The following ZDHHC17 variants were observed in gnomAD, a reference collection of about 807,000 sequenced individuals.
ZDHHC17 encodes zDHHC palmitoyltransferase 17.
In ZDHHC17, 40 loss-of-function variants were observed where a neutral mutation model predicts 90.3. The ratio of observed to expected loss-of-function variants is 0.44; its 90% CI spans 0.34 to 0.58. ZDHHC17 has a LOEUF of 0.58. Ranked by LOEUF, ZDHHC17 falls within the 20% of genes least tolerant of loss-of-function variation. ZDHHC17 has a pLI of 0.01. For missense variants in ZDHHC17, 614 were observed against 780.8 expected, an observed-to-expected ratio of 0.79 and a Z score of 2.55; for synonymous variants, 235 against 252.4, an observed-to-expected ratio of 0.93 and a Z score of 0.65.
chr12:76,839,097 G>A (rs1495332), intron 10 of ZDHHC17, among the ~76,000 whole-genome samples: 92,849 of 152,022 alleles, frequency 0.61, 28,419 homozygotes, highest in East Asian at 0.67. Flanking sequence ...GAAGGCCACG[G>A]TCCTATTGGA....
rs766812634 is a variant in ZDHHC17, at chr12:76,805,334, G to A, written c.215G>A (p.Arg72His). 33 of 1,600,148 alleles carry A rather than the reference G, an allele frequency of 2.1e-5. No individual in the cohort carries two copies. The highest frequency in any genetic ancestry group is 2.4e-5 in the Non-Finnish European group (28 of 1,172,140). ...TTTTCTAGATATGGAATATATGAAC[G>A]CTGTCGAGAATTGGTGGAAGCAGGT... ...VKATQYGIYE[R>H]CRELVEAGYD... is the part of the protein sequence containing the mutation. Residue 72 changes from arginine (R) to histidine (H), a missense_variant, in exon 3 of 17, where the codon CGC becomes CAC. Arg to His is a conservative substitution (Grantham distance 29). This residue lies in a region of ZDHHC17 where 358 missense variants were observed against 380.4 expected (regional missense o/e 0.94). Coordinates refer to ENST00000426126, the MANE Select transcript of ZDHHC17 (RefSeq NM_015336.4).
At chr12:76,765,339 C>G (rs56068537) in intron 1 of ZDHHC17, among the ~76,000 whole-genome samples, 3,980 of 152,282 alleles carry the variant, frequency 0.026, 60 homozygotes, top group Middle Eastern at 0.065. Context: ...TGAATAATGA[C>G]AACCATCCTT....
intron 13 of ZDHHC17, 146 bp downstream of exon 13, chr12:76,845,948 T>G (rs1014484585): frequency 1.5e-5 from 7 of 459,396 alleles, no homozygotes; most frequent in African/African-American, 1.4e-4. Context: ...ACACAGCAAC[T>G]CAGTTGAGAG....
At chr12:76,781,451 A>T (rs887850955) in intron 1 of ZDHHC17, among the ~76,000 whole-genome samples, 1 of 152,204 alleles carries the variant, frequency 6.6e-6, no homozygotes, top group South Asian at 2.1e-4. Flanking sequence ...AAGAGGTGGG[A>T]CTGCTGAGAG....
Position 76,849,457 on chromosome 12 carries a change from G to T in ZDHHC17, c.1747G>T (p.Glu583Ter). The T allele has an allele frequency of 6.5e-7, 1 of 1,541,184 alleles. No individual in the cohort carries two copies. Reference protein sequence around the residue: ...KHFKVTTTSIESPFNHGCVRN... With the variant: ...KHFKVTTTSI Reference sequence around the variant, plus strand: ...CTTTAAAGTCACAACAACGTCTATTGAAAGCCCATTCAAGTATGTACATAT... The same window carrying T: ...CTTTAAAGTCACAACAACGTCTATTTAAAGCCCATTCAAGTATGTACATAT... Residue 583 changes from glutamate (E) to a stop codon, truncating the protein, a stop_gained, in exon 16 of 17, where the codon GAA (glutamate) becomes TAA (stop). Coordinates refer to ENST00000426126, the MANE Select transcript of ZDHHC17 (RefSeq NM_015336.4). LOFTEE classifies it high-confidence loss of function.
intron 1 of ZDHHC17, among the ~76,000 whole-genome samples, chr12:76,777,413 G>A (rs980167162): frequency 2.6e-5 from 4 of 152,178 alleles, no homozygotes; most frequent in African/African-American, 7.2e-5. Flanking sequence ...TGGATGTACC[G>A]TGATGTGTTA....
At chr12:76,831,853 C>T (rs980506754) in intron 10 of ZDHHC17, among the ~76,000 whole-genome samples, 4 of 151,950 alleles carry the variant, frequency 2.6e-5, no homozygotes, top group African/African-American at 9.7e-5. Flanking sequence ...GCCATGTTGC[C>T]CAGGCTAGTC....
At chr12:76,794,463 GTTCT>G (rs1428256947) in intron 1 of ZDHHC17, among the ~76,000 whole-genome samples, 4 of 152,050 alleles carry the variant, frequency 2.6e-5, no homozygotes, top group African/African-American at 9.7e-5. Context: ...GAGAAATAAA[GTTCT>G]TTATTACAAA....
intron 1 of ZDHHC17, among the ~76,000 whole-genome samples, chr12:76,793,638 T>C (rs1952786247): frequency 6.6e-6 from 1 of 152,230 alleles, no homozygotes; most frequent in African/African-American, 2.4e-5. Flanking sequence ...GAAGGAGAGA[T>C]CTGTACCCTA....
chr12:76,796,469 T>C (rs1313656144), intron 1 of ZDHHC17, among the ~76,000 whole-genome samples: 2 of 152,092 alleles, frequency 1.3e-5, no homozygotes, highest in Non-Finnish European at 2.9e-5. Flanking sequence ...TTTGAATAGA[T>C]GTAATATTCT....
At chr12:76,809,018 A>C (rs10778920) in intron 3 of ZDHHC17, 25 bp from the exon 4 acceptor site, 1 of 1,376,350 alleles carries the variant, frequency 7.3e-7, no homozygotes. Context: ...AAGTTATTTA[A>C]ATTATTATAA....
chr12:76,796,294 A>G (rs959936344), intron 1 of ZDHHC17, among the ~76,000 whole-genome samples: 3 of 152,184 alleles, frequency 2.0e-5, no homozygotes, highest in African/African-American at 7.2e-5. Context: ...TGTCAAAAAT[A>G]TCAGAAACAC....
At chr12:76,778,386 A>G (rs1465138626) in intron 1 of ZDHHC17, among the ~76,000 whole-genome samples, 1 of 151,978 alleles carries the variant, frequency 6.6e-6, no homozygotes, top group Admixed American at 6.6e-5. Context: ...CACCCAGCGA[A>G]TTTTTTTAGT....
At chr12:76,813,241 A>G in intron 5 of ZDHHC17, 2 of 363,312 alleles carry the variant, frequency 5.5e-6, no homozygotes, top group Non-Finnish European at 1.1e-5. Context: ...AGAAGTCACA[A>G]TAGTTACTTC....
intron 10 of ZDHHC17, 67 bp downstream of exon 10, chr12:76,828,557 A>C: frequency 7.1e-7 from 1 of 1,411,756 alleles, no homozygotes; most frequent in Non-Finnish European, 1.0e-6. Flanking sequence ...GATGTTTAAT[A>C]ATTTGACATT....
chr12:76,836,100 C>T (rs1351721536), intron 10 of ZDHHC17, among the ~76,000 whole-genome samples: 3 of 151,676 alleles, frequency 2.0e-5, no homozygotes, highest in Admixed American at 6.6e-5. Flanking sequence ...ACTAGTTTTG[C>T]GTGTACATTT....
rs1375689585 is a variant in ZDHHC17 at position 76,850,916 on chromosome 12, C to G, written c.1830C>G (p.Ile610Met). ...FRCCGLFRPV[I>M]VDWTRQYTIE... ...GCTGTGGCCTCTTTCGTCCTGTTAT[C>G]GTGGACTGGACCAGGCAGTATACAA... The change falls in exon 17 of 17, where the codon ATC becomes ATG. Residue 610 changes from isoleucine (I) to methionine (M), a missense_variant. Ile to Met is a conservative substitution (Grantham distance 10, BLOSUM62 1). This residue lies in a region of ZDHHC17 where 111 missense variants were observed against 179.8 expected (regional missense o/e 0.62). Coordinates refer to ENST00000426126, the MANE Select transcript of ZDHHC17 (RefSeq NM_015336.4). 2 of 1,613,870 alleles carry G rather than the reference C, an allele frequency of 1.2e-6. No individual in the cohort carries two copies. The highest frequency in any genetic ancestry group is 1.7e-6 in the Non-Finnish European group (2 of 1,179,866).
chr12:76,834,199 A>T (rs1028951882), intron 10 of ZDHHC17, among the ~76,000 whole-genome samples: 2 of 152,146 alleles, frequency 1.3e-5, no homozygotes, highest in African/African-American at 2.4e-5. Flanking sequence ...TTGCATTTTT[A>T]TTTATTTTTA....
chr12:76,779,273 C>T (rs1289094976), intron 1 of ZDHHC17, among the ~76,000 whole-genome samples: 1 of 152,168 alleles, frequency 6.6e-6, no homozygotes, highest in Non-Finnish European at 1.5e-5. Flanking sequence ...GTCTTTTCCA[C>T]CTTTGTATTA....
Sources: gnomAD v4.1 joint callset for allele counts (sites outside exome capture counted in the v4.1 genomes callset) on GRCh38, gnomAD v4.1.1 for gene constraint, gnomAD v4.1.1 regional missense constraint, MANE v1.5 for transcripts, NCBI Gene and HGNC (gene_info 2026-07-23, HGNC 2026-07-21) for gene names.